TXLNB: variants seen among roughly 807,000 people sequenced by gnomAD.
TXLNB encodes the protein taxilin beta.
Under a neutral mutation model 57.4 loss-of-function variants are expected in TXLNB, and 37 were observed. The observed-to-expected ratio is 0.64, with a 90% CI of 0.50 to 0.85. The LOEUF is 0.85. Among genes scored for constraint, TXLNB ranks in the 40% least tolerant of loss-of-function variants. The pLI is 0.00. For missense variants in TXLNB, 848 were observed against 825.6 expected (o/e 1.03, Z -0.33); for synonymous variants, 302 against 309.6 (o/e 0.98, Z 0.26).
intron 7 of TXLNB, among the ~76,000 whole-genome samples, chr6:139,248,429 G>A (rs182185404): frequency 7.2e-5 from 11 of 152,138 alleles, no homozygotes; most frequent in Admixed American, 6.5e-4. Context: ...CCAGGAGGCA[G>A]GGGTTGCAGT....
chr6:139,164,854 T>G, the TXLNB span, among the ~76,000 whole-genome samples: 1 of 147,910 alleles, frequency 6.8e-6, no homozygotes, highest in Admixed American at 6.7e-5. Context: ...ACAGGTTTCC[T>G]TCCTTGGTCC....
the TXLNB span, among the ~76,000 whole-genome samples, chr6:139,190,536 C>T: frequency 6.6e-6 from 1 of 152,014 alleles, no homozygotes; most frequent in Non-Finnish European, 1.5e-5. Context: ...GTCTGGAACT[C>T]CTGACCTTGT....
upstream of TXLNB, among the ~76,000 whole-genome samples, chr6:139,292,626 T>G (rs977596630): frequency 2.6e-5 from 4 of 152,210 alleles, no homozygotes; most frequent in Admixed American, 2.0e-4. The surrounding 1 kb of genome is among the most constrained non-coding windows in gnomAD (Gnocchi z 4.0). Context: ...CACGTGGTAA[T>G]TGGTGTGACC....
the TXLNB span, among the ~76,000 whole-genome samples, chr6:139,319,605 A>AC: frequency 6.6e-6 from 1 of 152,048 alleles, no homozygotes; most frequent in Non-Finnish European, 1.5e-5. Context: ...CTACAAAAAA[A>AC]AATTCAAAAA....
chr6:139,197,052 G>C, the TXLNB span, among the ~76,000 whole-genome samples: 1 of 152,026 alleles, frequency 6.6e-6, no homozygotes, highest in African/African-American at 2.4e-5. Flanking sequence ...GACAGCTTTG[G>C]GGGTGGGGGG....
chr6:139,295,573 A>C (rs1271898434), upstream of TXLNB, among the ~76,000 whole-genome samples: 1 of 144,952 alleles, frequency 6.9e-6, no homozygotes, highest in African/African-American at 2.6e-5. Context: ...TGTTGTAGAT[A>C]TTTTTTGGGG....
chr6:139,166,800 G>A, the TXLNB span: 25 of 1,613,536 alleles, frequency 1.5e-5, no homozygotes, highest in East Asian at 6.7e-5. Context: ...TACGGTGCCC[G>A]TTCCCCCGGT....
At chr6:139,208,320 A>G in the TXLNB span, among the ~76,000 whole-genome samples, 5 of 152,330 alleles carry the variant, frequency 3.3e-5, no homozygotes, top group East Asian at 7.7e-4. Flanking sequence ...TACCAACAAA[A>G]AAAGTACAGT....
intron 2 of TXLNB, among the ~76,000 whole-genome samples, chr6:139,287,847 T>C (rs558783190): frequency 6.6e-6 from 1 of 150,708 alleles, no homozygotes; most frequent in South Asian, 2.1e-4. Context: ...TTTGCACTTC[T>C]CCTATATAAT....
the TXLNB span, among the ~76,000 whole-genome samples, chr6:139,318,228 C>CCACTG: frequency 6.9e-6 from 1 of 144,588 alleles, no homozygotes; most frequent in Non-Finnish European, 1.5e-5. Context: ...CAAGATCACG[C>CCACTG]CACTGCACTC....
chr6:139,249,369 T>C (rs1776139660), intron 7 of TXLNB, among the ~76,000 whole-genome samples: 1 of 152,208 alleles, frequency 6.6e-6, no homozygotes, highest in African/African-American at 2.4e-5. Flanking sequence ...TACTCTTGAG[T>C]GTCCAGAATA....
chr6:139,278,984 A>C (rs1210756274), intron 2 of TXLNB, among the ~76,000 whole-genome samples: 1 of 152,214 alleles, frequency 6.6e-6, no homozygotes, highest in Non-Finnish European at 1.5e-5. Flanking sequence ...ACTGCAAAAA[A>C]CAAACGAACA....
At chr6:139,173,502 G>T in the TXLNB span, among the ~76,000 whole-genome samples, 1 of 152,172 alleles carries the variant, frequency 6.6e-6, no homozygotes, top group Non-Finnish European at 1.5e-5. Context: ...CCCATAGTCT[G>T]ACTGATGGCA....
At chr6:139,204,836 C>T in the TXLNB span, among the ~76,000 whole-genome samples, 2 of 152,046 alleles carry the variant, frequency 1.3e-5, no homozygotes, top group South Asian at 2.1e-4. Flanking sequence ...TATCATTCAC[C>T]CAGCTATTCT....
At chr6:139,194,043 G>T in the TXLNB span, among the ~76,000 whole-genome samples, 1 of 151,154 alleles carries the variant, frequency 6.6e-6, no homozygotes, top group East Asian at 1.9e-4. Context: ...GGGTTTCACC[G>T]TGTTAGCCAG....
the TXLNB span, among the ~76,000 whole-genome samples, chr6:139,320,428 T>C: frequency 6.6e-6 from 1 of 152,154 alleles, no homozygotes; most frequent in South Asian, 2.1e-4. Context: ...ATATTTTCAG[T>C]CCTAGAGGAA....
At chr6:139,216,738 C>A in the TXLNB span, among the ~76,000 whole-genome samples, 3 of 152,096 alleles carry the variant, frequency 2.0e-5, no homozygotes. Context: ...AGCTGGAGGA[C>A]ATTATTCTCA....
the TXLNB span, among the ~76,000 whole-genome samples, chr6:139,211,031 C>A: frequency 6.6e-6 from 1 of 152,228 alleles, no homozygotes; most frequent in African/African-American, 2.4e-5. Context: ...GCCTGCCTGC[C>A]TCTGTAGGCT....
the TXLNB span, among the ~76,000 whole-genome samples, chr6:139,309,180 T>C: frequency 1.3e-4 from 20 of 152,206 alleles, no homozygotes; most frequent in Admixed American, 5.2e-4. Context: ...AGCCCCAGAA[T>C]TATGGGAAGA....
Sources: allele counts gnomAD v4.1 joint callset (sites outside exome capture counted in the v4.1 genomes callset), GRCh38; gene constraint gnomAD v4.1.1; non-coding constraint Gnocchi (gnomAD v3.1); transcripts MANE v1.5; gene names NCBI Gene and HGNC (gene_info 2026-07-23, HGNC 2026-07-21).